The following KIF18B variants were observed in gnomAD, a reference collection of about 807,000 sequenced individuals.
The protein encoded by KIF18B is kinesin-like protein KIF18B.
Under a neutral mutation model 80.9 loss-of-function variants are expected in KIF18B, and 49 were observed. That is an observed-to-expected ratio of 0.61 (90% CI 0.48 to 0.77). The LOEUF is 0.77. KIF18B is among the 30% of genes least tolerant of loss of function. The pLI, the probability that KIF18B is intolerant of heterozygous loss-of-function variation, is 0.00. For missense variants in KIF18B, 994 were observed against 1,127.7 expected (o/e 0.88, Z 1.70); for synonymous variants, 439 against 463.9 (o/e 0.95, Z 0.69).
rs2052052700 is a variant in KIF18B at position 44,927,434 on chromosome 17, G to T, written c.2277-356C>A. ...GAGCCTGCCAGCCTCTGCCCCACAG[G>T]TGCAGGTCAGTCTGCCACTGGTTCT... On this transcript the variant is annotated intron_variant, in intron 13 of 15. Transcript: ENST00000593135. The surrounding 1 kb of genome is among the most constrained non-coding windows in gnomAD (Gnocchi z 4.1). 6.6e-6 allele frequency among the ~76,000 whole-genome samples: 1 copy of T among 152,198 alleles called. No homozygotes were observed. Among genetic ancestry groups the T allele is most frequent in the Non-Finnish European group, 1.5e-5 (1 of 68,028 alleles).
chr17:44,939,871 G>A (rs2052383719), intron 1 of KIF18B, among the ~76,000 whole-genome samples: 1 of 152,066 alleles, frequency 6.6e-6, no homozygotes, highest in Non-Finnish European at 1.5e-5. Context: ...GGAGTGCAGT[G>A]GCACGATCTT....
chr17:44,926,992 G>A lies in KIF18B; in HGVS notation c.2363C>T (p.Ala788Val), dbSNP rs147032442. 562 of 1,608,332 alleles carry A rather than the reference G, an allele frequency of 3.5e-4. 8 individuals carry two copies. The South Asian group carries it at 4.8e-3, about 14-fold the overall frequency. The change falls in exon 14 of 16, where the codon GCG becomes GTG. Residue 788 changes from alanine (A) to valine (V), a missense_variant. By Grantham distance (64) the Ala-to-Val change is moderately conservative. Coordinates refer to ENST00000593135, the MANE Select transcript of KIF18B (RefSeq NM_001265577.2). ...GTSACKKKRV[A>V]SSSVSHGRSR... The stretch of plus-strand genomic sequence containing the variant: ...GCTGACACCTCCCAAACCTCACCTC[G>A]CAACGCGCTTCTTCTTGCAGGCAGA...
chr17:44,928,363 T>A lies in KIF18B; in HGVS notation c.1939A>T (p.Thr647Ser). ...AGGAAGGACTGGCGCTGGCGCTTGG[T>A]GCCCCGCTTTGGGGCCATGGGACTG... The part of the protein sequence containing the change: ...ADSPMAPKRG[T>S]KRQRQSFLPC... The change falls in exon 13 of 16, where the codon ACC (threonine) becomes TCC (serine). Residue 647 changes from threonine (T) to serine (S), a missense_variant. Transcript: ENST00000593135. The A allele has an allele frequency of 6.3e-7, 1 of 1,594,324 alleles. No homozygotes were observed. The highest frequency in any genetic ancestry group is 1.1e-5 in the South Asian group (1 of 88,574).
rs769774806 is a variant in KIF18B at position 44,928,825 on chromosome 17, C to G, written c.1717G>C (p.Glu573Gln). ...GAPLAQELCS[E>Q]SIPVPSPLCP... is the part of the protein sequence containing the mutation. ...AGAGCAGGATGAGACTCACTTGACT[C>G]TGAACACAGCTCCTGAGCCAGAGGT... Residue 573 changes from glutamate (E) to glutamine (Q), a missense_variant, in exon 12 of 16, where the codon GAG (glutamate) becomes CAG (glutamine). Coordinates refer to ENST00000593135, the MANE Select transcript of KIF18B (RefSeq NM_001265577.2). 6.2e-6 allele frequency: 10 copies of G among 1,613,484 alleles called. No homozygotes were observed. The Admixed American group carries it at 8.3e-5, about 13-fold the overall frequency.
At chr17:44,930,892 A>G (rs1447683329) in intron 11 of KIF18B, among the ~76,000 whole-genome samples, 1 of 152,184 alleles carries the variant, frequency 6.6e-6, no homozygotes, top group African/African-American at 2.4e-5. Flanking sequence ...TTCAGACTGC[A>G]GCATTTTTGC....
intron 1 of KIF18B, among the ~76,000 whole-genome samples, chr17:44,936,614 ATATATATATATTTTTTTTTTTTTT>A (rs2052309826): frequency 2.5e-5 from 2 of 79,124 alleles, no homozygotes; most frequent in African/African-American, 9.7e-5. Context: ...ATATATATAT[ATATATATATATTTTTTTTTTTTTT>A]TTTTTTTTTT....
At chr17:44,929,181 C>A (rs1051888961) in intron 11 of KIF18B, among the ~76,000 whole-genome samples, 157 bp from the exon 12 acceptor site, 2 of 152,214 alleles carry the variant, frequency 1.3e-5, no homozygotes, top group Admixed American at 1.3e-4. Context: ...GCTAGCCAGA[C>A]TCACCACCCT....
At chr17:44,926,536 C>T (rs763430749) in intron 14 of KIF18B, 37 bp from the exon 15 acceptor site, 4 of 1,538,464 alleles carry the variant, frequency 2.6e-6, no homozygotes, top group South Asian at 2.5e-5. Context: ...AAGGTTACGG[C>T]CCTGTCTCTG....
At chr17:44,929,369 C>G (rs1169243407) in intron 11 of KIF18B, among the ~76,000 whole-genome samples, 1 of 152,202 alleles carries the variant, frequency 6.6e-6, no homozygotes, top group Non-Finnish European at 1.5e-5. Flanking sequence ...TCTCTTGGCT[C>G]TGCCACCTAC....
chr17:44,928,759 C>T lies in KIF18B; in HGVS notation c.1723+60G>A. ...GAGGCCCCTGGACACCCCTTGGCCCCAGTGGGGCCTTGAAGACAGCACCTT... is the reference window on the plus strand; with the variant it reads ...GAGGCCCCTGGACACCCCTTGGCCCTAGTGGGGCCTTGAAGACAGCACCTT... On this transcript the variant is annotated intron_variant, in intron 12 of 15. Transcript: ENST00000593135. 8 of 1,551,212 alleles carry T rather than the reference C, an allele frequency of 5.2e-6. No homozygotes were observed. In the South Asian group the frequency reaches 9.2e-5, roughly 18 times the overall value.
chr17:44,942,943 T>C (rs549767309), intron 1 of KIF18B, among the ~76,000 whole-genome samples: 1 of 152,270 alleles, frequency 6.6e-6, no homozygotes, highest in Admixed American at 6.5e-5. Flanking sequence ...TGACCTTCTG[T>C]CACCAGGGGC....
intron 11 of KIF18B, among the ~76,000 whole-genome samples, chr17:44,929,950 T>A (rs560890376): frequency 6.6e-6 from 1 of 152,172 alleles, no homozygotes. Flanking sequence ...ACACCTATGA[T>A]AAAAGAATAA....
rs562203782 is a variant in KIF18B at position 44,934,710 on chromosome 17, C to A, written c.577-93G>T. On this transcript the variant is annotated intron_variant, in intron 4 of 15. Coordinates refer to ENST00000593135, the MANE Select transcript of KIF18B (RefSeq NM_001265577.2). The surrounding 1 kb of genome is among the most constrained non-coding windows in gnomAD (Gnocchi z 5.4). The stretch of plus-strand genomic sequence containing the variant: ...GGCTGCTCTTCAGAATCTACATCAC[C>A]CCCTTGCTACCACCACCACTGCTAC... 16 of 1,272,432 alleles carry A rather than the reference C, an allele frequency of 1.3e-5. No homozygotes were observed. The East Asian group carries it at 4.1e-4, about 33-fold the overall frequency. 78.8% of individuals were successfully genotyped at this position (1,272,432 alleles called of 1,614,324 possible). A position where few individuals can be genotyped will look rare whatever the true frequency, so the allele number is the denominator to read the frequency against.
At chr17:44,931,484 A>T in intron 11 of KIF18B, 118 bp downstream of exon 11, 1 of 1,319,246 alleles carries the variant, frequency 7.6e-7, no homozygotes, top group Non-Finnish European at 1.1e-6. Flanking sequence ...CAGGTAAAGG[A>T]CAGTGCTGAT....
rs2052231971 is a variant in KIF18B at position 44,934,428 on chromosome 17, G to A, written c.690C>T (p.Ile230=). Residue 230 remains isoleucine (I), a splice_region_variant and synonymous_variant, in exon 6 of 16, where the codon ATC becomes ATT. Transcript: ENST00000593135. The surrounding 1 kb of genome is among the most constrained non-coding windows in gnomAD (Gnocchi z 5.4). ...GAACCCGGTCCTGCTGCTTCACAAA[G>A]ATCTGAAGGCAGATGGCAGGGGTGA... is the stretch of plus-strand genomic sequence containing the variant. ...TSSRSHAIFQ[I]FVKQQDRVPG... 6.2e-7 allele frequency: 1 copy of A among 1,605,952 alleles called. No individual in the cohort carries two copies. The highest frequency in any genetic ancestry group is 1.7e-5 in the Admixed American group (1 of 58,858).
intron 14 of KIF18B, 77 bp from the exon 15 acceptor site, chr17:44,926,576 A>G (rs553257243): frequency 7.7e-5 from 105 of 1,370,794 alleles, no homozygotes; most frequent in Non-Finnish European, 1.0e-4. Flanking sequence ...AGTGGGGCAT[A>G]TAAGTACTTG....
rs1402841660 is a variant in KIF18B, at chr17:44,928,521, C to T, written c.1781G>A (p.Arg594Gln). 9 of 1,479,232 alleles carry T rather than the reference C, an allele frequency of 6.1e-6. No individual in the cohort carries two copies. Among genetic ancestry groups the T allele is most frequent in the Non-Finnish European group, 7.1e-6 (8 of 1,120,514 alleles). 91.6% of individuals were successfully genotyped at this position (1,479,232 alleles called of 1,614,324 possible). Residue 594 changes from arginine (R) to glutamine (Q), a missense_variant, in exon 13 of 16, where the codon CGG becomes CAG. Physicochemically the swap from Arg to Gln is conservative, Grantham distance 43. Transcript: ENST00000593135. The part of the protein sequence containing the change: ...EPPGYTGPVT[R>Q]TMARRLSGPL... ...GCCACTCAGTCGCCTCGCCATAGTC[C>T]GGGTCACAGGGCCAGTGTATCCTGG...
chr17:44,937,012 C>CT (rs550987711), intron 1 of KIF18B, among the ~76,000 whole-genome samples: 23,211 of 143,984 alleles, frequency 0.16, 2,172 homozygotes, highest in Non-Finnish European at 0.23. Flanking sequence ...TTTGTCTATT[C>CT]TTTTTTTTTT....
chr17:44,928,098 C>T lies in KIF18B; in HGVS notation c.2204G>A (p.Ser735Asn). The T allele has an allele frequency of 1.3e-6, 2 of 1,569,714 alleles. No individual in the cohort carries two copies. Among genetic ancestry groups the T allele is most frequent in the Admixed American group, 1.9e-5 (1 of 51,644 alleles). The change falls in exon 13 of 16, where the codon AGT (serine) becomes AAT (asparagine). Residue 735 changes from serine (S) to asparagine (N), a missense_variant. Ser to Asn is a conservative substitution (Grantham distance 46). Transcript: ENST00000593135. ...DLSEEPPSKP[S>N]FHECIGWDKI... ...GTCCCAGCCAATGCATTCATGGAAACTGGGCTTTGAGGGAGGCTCCTCAGA... is the reference window on the plus strand; with the variant it reads ...GTCCCAGCCAATGCATTCATGGAAATTGGGCTTTGAGGGAGGCTCCTCAGA...
Sources: allele counts gnomAD v4.1 joint callset (sites outside exome capture counted in the v4.1 genomes callset), GRCh38; gene constraint gnomAD v4.1.1; non-coding constraint Gnocchi (gnomAD v3.1); transcripts MANE v1.5; gene names NCBI Gene and HGNC (gene_info 2026-07-23, HGNC 2026-07-21).